The following RRP12 variants were observed in gnomAD, a reference collection of about 807,000 sequenced individuals.
The protein encoded by RRP12 is RRP12-like protein.
Under a neutral mutation model 157.3 loss-of-function variants are expected in RRP12, and 78 were observed. The observed-to-expected ratio is 0.50, with a 90% CI of 0.41 to 0.60. The LOEUF is 0.60. Ranked by LOEUF, RRP12 falls within the 20% of genes least tolerant of loss-of-function variation. RRP12 has a pLI of 0.00. For synonymous variants in RRP12, 726 were observed against 670.9 expected (o/e 1.08, Z -1.27); for missense variants, 1,521 against 1,679.9 (o/e 0.91, Z 1.65).
chr10:97,386,653 A>G (rs928139984), intron 8 of RRP12, among the ~76,000 whole-genome samples: 1 of 152,156 alleles, frequency 6.6e-6, no homozygotes, highest in Admixed American at 6.6e-5. Context: ...CATATTATTT[A>G]TATTTTACAA....
intron 15 of RRP12, 84 bp from the exon 16 acceptor site, chr10:97,373,978 A>C: frequency 8.9e-7 from 1 of 1,124,958 alleles, no homozygotes; most frequent in Non-Finnish European, 1.3e-6. Flanking sequence ...CAAAAGCCCA[A>C]TGATGAGGAC....
rs3814553 is a variant in RRP12, at chr10:97,396,227, G to T, written c.444C>A (p.Phe148Leu). The change falls in exon 3 of 34, where the codon TTC becomes TTA. Residue 148 changes from phenylalanine to leucine, a missense_variant. By Grantham distance (22) the Phe-to-Leu change is conservative. Coordinates refer to ENST00000370992, the MANE Select transcript of RRP12 (RefSeq NM_015179.4). ...QGGKETETEY[F>L]AALMTTMEAV... ...AGTGGCACCCACTCACCAGAGCAGC[G>T]AAGTACTCAGTCTCCGTCTCCTTCC... The T allele has an allele frequency of 6.2e-7, 1 of 1,611,732 alleles. No individual in the cohort carries two copies. The highest frequency in any genetic ancestry group is 8.5e-7 in the Non-Finnish European group (1 of 1,178,258).
intron 15 of RRP12, among the ~76,000 whole-genome samples, chr10:97,379,057 A>G (rs1844388901): frequency 6.6e-6 from 1 of 152,244 alleles, no homozygotes; most frequent in Non-Finnish European, 1.5e-5. Flanking sequence ...ATGTGGAGGC[A>G]GCTCCTGTCT....
chr10:97,381,325 T>G, intron 12 of RRP12, 61 bp downstream of exon 12: 1 of 1,216,252 alleles, frequency 8.2e-7, no homozygotes, highest in Non-Finnish European at 1.2e-6. Context: ...AGCATTCGTA[T>G]TATATAGAAC....
chr10:97,366,929 G>A lies in RRP12; in HGVS notation c.3048-20C>T. The A allele has an allele frequency of 2.5e-6, 4 of 1,611,066 alleles. No homozygotes were observed. The highest frequency in any genetic ancestry group is 3.4e-6 in the Non-Finnish European group (4 of 1,177,874). ...TCAAATCTGGAGGTGGCAAGGAAGG[G>A]CTGGTGAGAGGCACTGGCCAGACAG... On this transcript the variant is annotated intron_variant, in intron 26 of 33. Coordinates refer to ENST00000370992, the MANE Select transcript of RRP12 (RefSeq NM_015179.4).
In RRP12 at chr10:97,401,143, A is replaced by G. The variant is rs1156567515; in HGVS notation, c.89T>C (p.Ile30Thr). ...KGHSSDSNPAICRHRQAARSR... is the reference protein window; with the variant it reads ...KGHSSDSNPATCRHRQAARSR... ...GCGGGCGGCCTGACGGTGGCGGCAG[A>G]TGGCGGGGTTGCTGTCGCTGCTGTG... Residue 30 changes from isoleucine to threonine, a missense_variant, in exon 1 of 34, where the codon ATC (isoleucine) becomes ACC (threonine). Transcript: ENST00000370992. 1 of 1,614,076 alleles carries G rather than the reference A, an allele frequency of 6.2e-7. No individual in the cohort carries two copies. Among genetic ancestry groups the G allele is most frequent in the Admixed American group, 1.7e-5 (1 of 60,000 alleles).
At chr10:97,400,261 G>C in intron 2 of RRP12, 44 bp downstream of exon 2, 1 of 1,433,810 alleles carries the variant, frequency 7.0e-7, no homozygotes, top group Non-Finnish European at 9.8e-7. Context: ...GCATGAGTTG[G>C]CCTCTCCTCA....
chr10:97,396,078 C>T, intron 3 of RRP12, 140 bp downstream of exon 3: 1 of 648,774 alleles, frequency 1.5e-6, no homozygotes, highest in Non-Finnish European at 2.8e-6. Flanking sequence ...CCTTCCTAAG[C>T]CACCTGAGAA....
At chr10:97,386,449 T>C (rs1844635042) in intron 8 of RRP12, among the ~76,000 whole-genome samples, 1 of 152,040 alleles carries the variant, frequency 6.6e-6, no homozygotes, top group East Asian at 1.9e-4. Context: ...TCCCAAGTGC[T>C]AAGGTTACAG....
intron 30 of RRP12, among the ~76,000 whole-genome samples, chr10:97,363,379 A>G (rs1448462480): frequency 6.6e-6 from 1 of 152,106 alleles, no homozygotes; most frequent in Non-Finnish European, 1.5e-5. Context: ...GGCTTAGGAG[A>G]CTGGAAAACC....
In RRP12 at chr10:97,366,466, T is replaced by A. The variant is rs45534935; in HGVS notation, c.3371A>T (p.Lys1124Met). ...GDEPLNFLDP[K>M]VAQRVLATQP... Reference sequence around the variant, plus strand: ...CTTACCCAGGACTCGTTGGGCCACCTTGGGATCCAGGAAGTTGAGGGGCTC... The same window carrying A: ...CTTACCCAGGACTCGTTGGGCCACCATGGGATCCAGGAAGTTGAGGGGCTC... Residue 1124 changes from lysine (K) to methionine (M), a missense_variant, in exon 28 of 34, where the codon AAG becomes ATG. Physicochemically the swap from Lys to Met is moderately conservative, Grantham distance 95. Transcript: ENST00000370992. 2 of 1,612,904 alleles carry A rather than the reference T, an allele frequency of 1.2e-6. No homozygotes were observed. Among genetic ancestry groups the A allele is most frequent in the Admixed American group, 1.7e-5 (1 of 59,876 alleles).
intron 2 of RRP12, among the ~76,000 whole-genome samples, chr10:97,398,738 A>G (rs1207977609): frequency 6.6e-6 from 1 of 152,198 alleles, no homozygotes; most frequent in Non-Finnish European, 1.5e-5. Context: ...CCTGGCAAAT[A>G]GGTTCGTAGT....
intron 15 of RRP12, among the ~76,000 whole-genome samples, chr10:97,375,616 T>C (rs1363048398): frequency 2.0e-5 from 3 of 152,158 alleles, no homozygotes; most frequent in Admixed American, 6.5e-5. Context: ...TTAAGAATAA[T>C]GCCAGGGTTT....
rs538262704 is a variant in RRP12 at position 97,396,286 on chromosome 10, C to A, written c.385G>T (p.Ala129Ser). The change falls in exon 3 of 34, where the codon GCT becomes TCT. Residue 129 changes from alanine to serine, a missense_variant. Physicochemically the swap from Ala to Ser is moderately conservative, Grantham distance 99 (BLOSUM62 1). Transcript: ENST00000370992. ...GAGCGAATCACCTCAGTGACAGCAGCCAGAACAGCACAGATCTGCACAGGA... is the reference window on the plus strand; with the variant it reads ...GAGCGAATCACCTCAGTGACAGCAGACAGAACAGCACAGATCTGCACAGGA... Reference protein sequence around the residue: ...AAHKEICAVLAAVTEVIRSQG... With the variant: ...AAHKEICAVLSAVTEVIRSQG... The A allele has an allele frequency of 4.0e-5, 65 of 1,613,730 alleles. No individual in the cohort carries two copies. In the East Asian group the frequency reaches 1.0e-3, roughly 25 times the overall value.
chr10:97,360,278 C>T (rs1028860234), intron 31 of RRP12, among the ~76,000 whole-genome samples: 5 of 152,072 alleles, frequency 3.3e-5, no homozygotes, highest in Admixed American at 2.0e-4. Context: ...GAGGCCTGGG[C>T]GGGTGGGAAG....
At chr10:97,370,885 G>C in intron 21 of RRP12, 38 bp downstream of exon 21, 1 of 1,611,940 alleles carries the variant, frequency 6.2e-7, no homozygotes. Context: ...GTGTTGCCCA[G>C]GCTCCCTCGG....
At position 97,366,167 on chromosome 10, in the gene RRP12, C is replaced by T. The variant is rs139305944; in HGVS notation, c.3458G>A (p.Arg1153Gln). 4.8e-3 allele frequency: 7,801 copies of T among 1,609,664 alleles called. 41 individuals are homozygous for T. Among genetic ancestry groups the T allele is most frequent in the Non-Finnish European group, 5.0e-3 (5,920 of 1,179,964 alleles). ...GTCTGCCTCCTCCCTTATGATCAGC[C>T]GGCCATCGGCGCTCACCTTGAAGCC... ...DHGFKVSADG[R>Q]LIIREEADGN... Residue 1153 changes from arginine to glutamine, a missense_variant, in exon 29 of 34, where the codon CGG (arginine) becomes CAG (glutamine). Physicochemically the swap from Arg to Gln is conservative, Grantham distance 43. Coordinates refer to ENST00000370992, the MANE Select transcript of RRP12 (RefSeq NM_015179.4).
chr10:97,400,219 T>C lies in RRP12; in HGVS notation c.369+86A>G, dbSNP rs985505803. On this transcript the variant is annotated intron_variant, in intron 2 of 33. Transcript: ENST00000370992. ...CATCCAGAAATACCAGCTGTTGTCA[T>C]CGGAGACCTGTCGGCCAGAGCTGAA... is the stretch of plus-strand genomic sequence containing the variant. The C allele has an allele frequency of 8.2e-5, 79 of 966,544 alleles. No homozygotes were observed. The Admixed American group carries it at 1.2e-3, about 15-fold the overall frequency. 59.9% of individuals were successfully genotyped at this position (966,544 alleles called of 1,614,324 possible). A position where few individuals can be genotyped will look rare whatever the true frequency, so the allele number is the denominator to read the frequency against.
chr10:97,385,932 C>T lies in RRP12; in HGVS notation c.1079G>A (p.Ser360Asn). The change falls in exon 9 of 34, where the codon AGC (serine) becomes AAC (asparagine). Residue 360 changes from serine (S) to asparagine (N), a missense_variant. Ser to Asn is a conservative substitution (Grantham distance 46). Transcript: ENST00000370992. The stretch of plus-strand genomic sequence containing the variant: ...GGCGTTGAGCTCTGCTGACAGGGTG[C>T]TCAGGCCAGGCCTGGCGTGGAAGAG... ...HSLFHARPGL[S>N]TLSAELNAQI... 1.2e-6 allele frequency: 2 copies of T among 1,607,480 alleles called. No individual in the cohort carries two copies. The highest frequency in any genetic ancestry group is 1.3e-5 in the African/African-American group (1 of 74,976).
Sources: gnomAD v4.1 joint callset for allele counts (sites outside exome capture counted in the v4.1 genomes callset) on GRCh38, gnomAD v4.1.1 for gene constraint, MANE v1.5 for transcripts, NCBI Gene and HGNC (gene_info 2026-07-23, HGNC 2026-07-21) for gene names.